Variants in BRINP3 observed in about 807,000 individuals in gnomAD.
The protein encoded by BRINP3 is BMP/retinoic acid inducible neural specific 3.
A neutral mutation model predicts 71.0 loss-of-function variants in BRINP3; 19 were observed. The observed-to-expected ratio is 0.27, with a 90% CI of 0.19 to 0.39. BRINP3 has a LOEUF of 0.39. BRINP3 is among the 10% of genes least tolerant of loss of function. The pLI, the probability that BRINP3 is intolerant of heterozygous loss-of-function variation, is 1.00. For synonymous variants in BRINP3, 380 were observed against 337.7 expected, an observed-to-expected ratio of 1.13 and a Z score of -1.37; for missense variants, 959 against 940.8, an observed-to-expected ratio of 1.02 and a Z score of -0.25.
At chr1:190,360,155 T>G (rs185741230) in intron 2 of BRINP3, among the ~76,000 whole-genome samples, 42 of 152,278 alleles carry the variant, frequency 2.8e-4, no homozygotes, top group Middle Eastern at 6.8e-3. Context: ...AGTAAACATC[T>G]TCAACAGATA....
intron 2 of BRINP3, among the ~76,000 whole-genome samples, chr1:190,425,109 A>G (rs1443807542): frequency 6.6e-6 from 1 of 151,766 alleles, no homozygotes; most frequent in Non-Finnish European, 1.5e-5. Context: ...CTCAGAATGC[A>G]AAAGAAAATA....
intron 3 of BRINP3, among the ~76,000 whole-genome samples, chr1:190,277,136 A>C (rs1427900589): frequency 2.3e-5 from 1 of 43,330 alleles, no homozygotes; most frequent in African/African-American, 5.6e-5. Flanking sequence ...CAGAAAAGAA[A>C]ACTTTTTCCC....
At chr1:190,386,299 C>T (rs1156654632) in intron 2 of BRINP3, among the ~76,000 whole-genome samples, 1 of 151,042 alleles carries the variant, frequency 6.6e-6, no homozygotes, top group Admixed American at 6.6e-5. Context: ...ATGACTCATC[C>T]TTTAAGTCAA....
At chr1:190,263,587 C>CTTTT (rs34792964) in intron 4 of BRINP3, among the ~76,000 whole-genome samples, 6 of 129,452 alleles carry the variant, frequency 4.6e-5, no homozygotes, top group Admixed American at 1.7e-4. Context: ...GAAGTAGTAA[C>CTTTT]TTTTTTTTTT....
chr1:190,147,790 TC>T (rs1381401832), intron 7 of BRINP3, among the ~76,000 whole-genome samples: 2 of 152,208 alleles, frequency 1.3e-5, no homozygotes, highest in African/African-American at 4.8e-5. Context: ...ACTGCTTTGT[TC>T]CTCTGGTTCT....
chr1:190,419,885 C>T (rs1276657139), intron 2 of BRINP3, among the ~76,000 whole-genome samples: 1 of 151,444 alleles, frequency 6.6e-6, no homozygotes, highest in Non-Finnish European at 1.5e-5. Context: ...ACTCCCAGGT[C>T]AATATGACAA....
At chr1:190,419,636 C>A (rs923287957) in intron 2 of BRINP3, among the ~76,000 whole-genome samples, 11 of 151,788 alleles carry the variant, frequency 7.2e-5, no homozygotes, top group African/African-American at 2.4e-4. Flanking sequence ...GTTTCTCATA[C>A]ATTTTCTCTG....
At chr1:190,235,478 T>C (rs1003751959) in intron 4 of BRINP3, among the ~76,000 whole-genome samples, 9 of 152,050 alleles carry the variant, frequency 5.9e-5, no homozygotes, top group African/African-American at 2.2e-4. Flanking sequence ...CATTCCAATG[T>C]TTACAATCAT....
At chr1:190,383,408 G>A (rs1670676973) in intron 2 of BRINP3, among the ~76,000 whole-genome samples, 1 of 152,004 alleles carries the variant, frequency 6.6e-6, no homozygotes, top group African/African-American at 2.4e-5. Context: ...AATGCAATCA[G>A]TGTAGCTATT....
intron 6 of BRINP3, among the ~76,000 whole-genome samples, chr1:190,173,204 A>G (rs1652179916): frequency 6.6e-6 from 1 of 152,142 alleles, no homozygotes; most frequent in Admixed American, 6.6e-5. Flanking sequence ...CGGAACACTG[A>G]TTCTGTTGTG....
intron 3 of BRINP3, 60 bp downstream of exon 3, chr1:190,281,500 C>A: frequency 1.4e-6 from 2 of 1,472,996 alleles, no homozygotes; most frequent in Non-Finnish European, 1.9e-6. Flanking sequence ...CACTTTTCTG[C>A]GATTTATACG....
At chr1:190,305,505 A>T (rs1283351164) in intron 2 of BRINP3, among the ~76,000 whole-genome samples, 1 of 151,786 alleles carries the variant, frequency 6.6e-6, no homozygotes, top group Non-Finnish European at 1.5e-5. Flanking sequence ...ACAGAAACGC[A>T]TATACTGCAT....
chr1:190,430,009 T>C (rs950208803), intron 2 of BRINP3, among the ~76,000 whole-genome samples: 2 of 152,194 alleles, frequency 1.3e-5, no homozygotes, highest in African/African-American at 4.8e-5. Flanking sequence ...CATGAGATTC[T>C]AGAAATATTT....
At chr1:190,364,306 C>T (rs1157229011) in intron 2 of BRINP3, among the ~76,000 whole-genome samples, 1 of 152,010 alleles carries the variant, frequency 6.6e-6, no homozygotes, top group Non-Finnish European at 1.5e-5. Context: ...CAGGAATCTA[C>T]CCTTGTATCA....
chr1:190,368,280 C>T (rs1158854030), intron 2 of BRINP3, among the ~76,000 whole-genome samples: 1 of 151,986 alleles, frequency 6.6e-6, no homozygotes, highest in African/African-American at 2.4e-5. Context: ...GGGAAAGACT[C>T]CTTATAAAAT....
chr1:190,261,082 A>G (rs887552028), intron 4 of BRINP3, among the ~76,000 whole-genome samples: 1 of 150,868 alleles, frequency 6.6e-6, no homozygotes, highest in African/African-American at 2.4e-5. Flanking sequence ...AAATTAAAAT[A>G]ACAAGAAAAT....
In BRINP3 at chr1:190,425,698, C is replaced by G. The variant is rs1673658944; in HGVS notation, c.236+28957G>C. ...AAAGTAAAATGAAAAGAGGCTTAGC[C>G]ACGTACAATGTTGCACAACAGCTAA... On this transcript the variant is annotated intron_variant, in intron 2 of 7. Coordinates refer to ENST00000367462, the MANE Select transcript of BRINP3 (RefSeq NM_199051.3). 2.0e-5 allele frequency among the ~76,000 whole-genome samples: 3 copies of G among 151,826 alleles called. No individual in the cohort carries two copies. In the South Asian group the frequency reaches 6.2e-4, roughly 31 times the overall value.
At chr1:190,367,455 G>A (rs2102166608) in intron 2 of BRINP3, among the ~76,000 whole-genome samples, 1 of 152,298 alleles carries the variant, frequency 6.6e-6, no homozygotes, top group East Asian at 1.9e-4. Context: ...GTGATAGGAG[G>A]TGCTGCTGCA....
intron 2 of BRINP3, among the ~76,000 whole-genome samples, chr1:190,307,310 C>G (rs1199184375): frequency 1.5e-5 from 2 of 130,454 alleles, no homozygotes; most frequent in Non-Finnish European, 3.2e-5. Flanking sequence ...GCTCTGCCAC[C>G]CAGGCTGGAG....
Sources: gnomAD v4.1 joint callset for allele counts (sites outside exome capture counted in the v4.1 genomes callset) on GRCh38, gnomAD v4.1.1 for gene constraint, MANE v1.5 for transcripts, NCBI Gene and HGNC (gene_info 2026-07-23, HGNC 2026-07-21) for gene names.